The following BRD9 variants were observed in gnomAD, a reference collection of about 807,000 sequenced individuals.
The protein encoded by BRD9 is bromodomain containing 9, also known as bromodomain-containing protein 9.
BRD9 carries 47 observed loss-of-function variants against 68.7 expected under a neutral mutation model. The observed-to-expected ratio is 0.68, with a 90% CI of 0.54 to 0.87. The LOEUF (loss-of-function observed/expected upper bound fraction) is 0.87. Among genes scored for constraint, BRD9 ranks in the 40% least tolerant of loss-of-function variants. The probability of loss-of-function intolerance (pLI) is 0.00; values close to 1 mark genes in which losing one functional copy is unlikely to be tolerated. For missense variants in BRD9, 670 were observed against 748.4 expected, an observed-to-expected ratio of 0.90 and a Z score of 1.22; for synonymous variants, 313 against 293.9, an observed-to-expected ratio of 1.06 and a Z score of -0.67.
chr5:882,691 C>A (rs879364272), intron 8 of BRD9: 1 of 172,414 alleles, frequency 5.8e-6, no homozygotes, highest in Admixed American at 6.3e-5. Context: ...CCACACAAAC[C>A]CACAACCTCC....
chr5:865,297 G>A (rs1269003846), intron 15 of BRD9, 117 bp downstream of exon 15: 9 of 1,342,352 alleles, frequency 6.7e-6, no homozygotes, highest in African/African-American at 4.4e-5. Flanking sequence ...CAACAGCACC[G>A]CTGCCCATGC....
At chr5:877,944 T>C (rs1751203045) in intron 11 of BRD9, among the ~76,000 whole-genome samples, 1 of 152,144 alleles carries the variant, frequency 6.6e-6, no homozygotes, top group Non-Finnish European at 1.5e-5. Context: ...AGACGGCACC[T>C]GCAGGCCCAG....
intron 13 of BRD9, among the ~76,000 whole-genome samples, chr5:870,825 T>C (rs564721219): frequency 2.0e-4 from 30 of 152,150 alleles, no homozygotes; most frequent in Non-Finnish European, 4.0e-4. Flanking sequence ...CTAACAATCC[T>C]TTGTTAACTT....
Position 865,545 on chromosome 5 carries a change from T to A in BRD9, c.1562A>T (p.His521Leu), listed in dbSNP as rs763176843. The change falls in exon 15 of 16, where the codon CAT (histidine) becomes CTT (leucine). Residue 521 changes from histidine (H) to leucine (L), a missense_variant. His to Leu is a moderately conservative substitution (Grantham distance 99, BLOSUM62 -3). Around this residue, in one of 5 missense-constraint regions of BRD9, gnomAD observed 280 missense variants for 281.5 expected, o/e 0.99. Transcript: ENST00000467963. ...VKKELDPDDS[H>L]LNLDETTKLL... is the part of the protein sequence containing the mutation. ...CTTCGTCGTCTCATCCAAGTTCAAA[T>A]GGCTGTCGTCAGGGTCCAGCTCCTT... 1.9e-6 allele frequency: 3 copies of A among 1,605,328 alleles called. No homozygotes were observed. The highest frequency in any genetic ancestry group is 2.2e-5 in the South Asian group (2 of 91,014).
At chr5:887,859 C>G (rs907652775) in intron 5 of BRD9, among the ~76,000 whole-genome samples, 13 of 152,226 alleles carry the variant, frequency 8.5e-5, no homozygotes, top group Non-Finnish European at 1.9e-4. Context: ...GTGATAGCCT[C>G]TATCTCTAGA....
At chr5:864,912 T>C (rs540126483) in intron 15 of BRD9, among the ~76,000 whole-genome samples, 3 of 152,310 alleles carry the variant, frequency 2.0e-5, no homozygotes, top group Admixed American at 6.5e-5. Context: ...GCCTGCTCCA[T>C]GCACTGTTAA....
At chr5:866,219 C>T (rs2150547793) in intron 14 of BRD9, 1 of 152,388 alleles carries the variant, frequency 6.6e-6, no homozygotes, top group African/African-American at 2.4e-5. Flanking sequence ...AGAGTCTAAG[C>T]CACTTCTCAA....
chr5:892,774 G>T lies in BRD9; in HGVS notation c.-117C>A. The T allele has an allele frequency of 9.0e-7, 1 of 1,110,028 alleles. No individual in the cohort carries two copies. The highest frequency in any genetic ancestry group is 1.1e-6 in the Non-Finnish European group (1 of 880,136). The allele number at this position is 1,110,028 out of a possible 1,614,324, so 68.8% of individuals were successfully genotyped here. ...CGCCCGCGCTCGCTGCGCCGAGGTT[G>T]CCGAGCTCGCTGGGCCGCGCCGGAA... On this transcript the variant is annotated 5_prime_UTR_variant, in exon 1 of 16. Coordinates refer to ENST00000467963, the MANE Select transcript of BRD9 (RefSeq NM_023924.5).
Position 887,445 on chromosome 5 carries a change from A to G in BRD9, c.633T>C (p.Asn211=), listed in dbSNP as rs777545295. 1.2e-6 allele frequency: 2 copies of G among 1,613,986 alleles called. No homozygotes were observed. The highest frequency in any genetic ancestry group is 1.7e-6 in the Non-Finnish European group (2 of 1,179,920). Residue 211 remains asparagine (N), a synonymous_variant, in exon 6 of 16, where the codon AAT becomes AAC. Coordinates refer to ENST00000467963, the MANE Select transcript of BRD9 (RefSeq NM_023924.5). ...TATCTGGCCTATTGTATGTCATTGC[A>G]TTATCACACATCAGCTTGAAATCTG... ...FKADFKLMCD[N]AMTYNRPDTV...
chr5:889,051 A>T lies in BRD9; in HGVS notation c.576T>A (p.Ala192=), dbSNP rs759634965. Residue 192 remains alanine (A), a synonymous_variant, in exon 5 of 16, where the codon GCT becomes GCA. Transcript: ENST00000467963. ...ATTCCGTAACTGACTTGTATTCATT[A>T]GCTACAATTTTGTCTTTCATGGTGC... The part of the protein sequence containing the change: ...DFGTMKDKIV[A]NEYKSVTEFK... 5 of 1,609,888 alleles carry T rather than the reference A, an allele frequency of 3.1e-6. No individual in the cohort carries two copies. In the South Asian group the frequency reaches 5.6e-5, roughly 18 times the overall value.
intron 1 of BRD9, chr5:892,209 A>T: frequency 2.3e-6 from 1 of 431,450 alleles, no homozygotes; most frequent in Non-Finnish European, 4.1e-6. Context: ...CCCTCGCCTG[A>T]CTTCCTGCAG....
intron 12 of BRD9, among the ~76,000 whole-genome samples, chr5:875,059 C>G (rs1430463790): frequency 1.3e-5 from 2 of 152,180 alleles, no homozygotes; most frequent in African/African-American, 2.4e-5. Flanking sequence ...ACCAAGGCAC[C>G]TGGAAAATAC....
At chr5:883,674 G>C in intron 8 of BRD9, 1 of 548,376 alleles carries the variant, frequency 1.8e-6, no homozygotes, top group Non-Finnish European at 3.3e-6. Flanking sequence ...GCCTGCAGCA[G>C]GGCCTCCATC....
chr5:874,817 C>T (rs1750666406), intron 12 of BRD9, among the ~76,000 whole-genome samples: 1 of 152,238 alleles, frequency 6.6e-6, no homozygotes, highest in South Asian at 2.1e-4. Context: ...GGTGAGTGAA[C>T]TTAGCCAACA....
chr5:874,354 C>T (rs1358182568), intron 12 of BRD9, among the ~76,000 whole-genome samples: 1 of 152,150 alleles, frequency 6.6e-6, no homozygotes, highest in Non-Finnish European at 1.5e-5. Context: ...GTTTTTATTC[C>T]AACATGTGGG....
intron 5 of BRD9, 123 bp from the exon 6 acceptor site, chr5:887,594 G>T: frequency 1.3e-6 from 1 of 758,560 alleles, no homozygotes; most frequent in Admixed American, 2.4e-5. Flanking sequence ...ATTCAACTGG[G>T]CTCTCTGATC....
At chr5:876,247 AGCCCTTGTCGCCTG>A in intron 11 of BRD9, 35 bp from the exon 12 acceptor site, 1 of 1,558,610 alleles carries the variant, frequency 6.4e-7, no homozygotes, top group East Asian at 2.3e-5. Context: ...CGCTGAAAGG[AGCCCTTGTCGCCTG>A]GCCCTCGCGG....
intron 12 of BRD9, among the ~76,000 whole-genome samples, chr5:874,710 A>C (rs191940866): frequency 1.3e-5 from 2 of 152,382 alleles, no homozygotes; most frequent in East Asian, 3.9e-4. Flanking sequence ...GAAGATACAC[A>C]AAAGCAGCAA....
Position 886,578 on chromosome 5 carries a change from C to T in BRD9, c.833+14G>A. The T allele has an allele frequency of 6.2e-7, 1 of 1,609,650 alleles. No homozygotes were observed. The highest frequency in any genetic ancestry group is 8.5e-7 in the Non-Finnish European group (1 of 1,177,474). On this transcript the variant is annotated intron_variant, in intron 7 of 15. Transcript: ENST00000467963. ...CAACTCCAAAAGCAAATGTGGTTTC[C>T]ACAGAACCTTTACCTGATAACTTCT...
Sources: gnomAD v4.1 joint callset for allele counts (sites outside exome capture counted in the v4.1 genomes callset) on GRCh38, gnomAD v4.1.1 for gene constraint, gnomAD v4.1.1 regional missense constraint, MANE v1.5 for transcripts, NCBI Gene and HGNC (gene_info 2026-07-23, HGNC 2026-07-21) for gene names.